RRM2B: variants seen among roughly 807,000 people sequenced by gnomAD.
The protein encoded by RRM2B is ribonucleotide reductase regulatory TP53 inducible subunit M2B.
In RRM2B, 20 loss-of-function variants were observed where a neutral mutation model predicts 45.9. That is an observed-to-expected ratio of 0.44 (90% confidence interval 0.31 to 0.63). The LOEUF is 0.63. Ranked by LOEUF, RRM2B falls within the 30% of genes least tolerant of loss-of-function variation. The probability of loss-of-function intolerance (pLI) is 0.09; values close to 1 mark genes in which losing one functional copy is unlikely to be tolerated. For missense variants in RRM2B, 320 were observed against 414.7 expected (o/e 0.77, Z 1.98); for synonymous variants, 124 against 132.3 (o/e 0.94, Z 0.43).
chr8:102,230,609 G>C (rs990234221), intron 2 of RRM2B, among the ~76,000 whole-genome samples: 1 of 152,100 alleles, frequency 6.6e-6, no homozygotes, highest in Non-Finnish European at 1.5e-5. Context: ...GTTTTTGTGT[G>C]GTTTGGTTTT....
intron 1 of RRM2B, among the ~76,000 whole-genome samples, chr8:102,237,425 G>A (rs1811139859): frequency 6.6e-6 from 1 of 152,186 alleles, no homozygotes; most frequent in Admixed American, 6.5e-5. Context: ...GATCTCAAGA[G>A]ATTTTGATTC....
At chr8:102,217,332 TTC>T (rs762398978) in intron 6 of RRM2B, among the ~76,000 whole-genome samples, 3 of 152,126 alleles carry the variant, frequency 2.0e-5, no homozygotes, top group East Asian at 1.9e-4. Flanking sequence ...GTAAATGTAG[TTC>T]TCTCTGTGTT....
intron 6 of RRM2B, 59 bp downstream of exon 6, chr8:102,218,755 A>G: frequency 1.4e-6 from 2 of 1,442,408 alleles, no homozygotes; most frequent in East Asian, 4.5e-5. Context: ...TGGAAAAGAA[A>G]AATAGATGAA....
intron 1 of RRM2B, among the ~76,000 whole-genome samples, chr8:102,232,767 T>C: frequency 6.6e-6 from 1 of 152,250 alleles, no homozygotes; most frequent in South Asian, 2.1e-4. Context: ...GCTACTTTAA[T>C]GTTTTTTCTT....
At chr8:102,227,985 C>T (rs1810962530) in intron 2 of RRM2B, among the ~76,000 whole-genome samples, 2 of 152,264 alleles carry the variant, frequency 1.3e-5, no homozygotes, top group South Asian at 4.2e-4. Context: ...AAATTCTGGG[C>T]AGAAGAAGAT....
intron 6 of RRM2B, chr8:102,214,496 C>T: frequency 3.9e-6 from 1 of 258,934 alleles, no homozygotes; most frequent in South Asian, 4.1e-5. Context: ...TTTTAAATTT[C>T]AAAAATAATT....
chr8:102,233,242 GT>G (rs1310708481), intron 1 of RRM2B, among the ~76,000 whole-genome samples: 1 of 152,174 alleles, frequency 6.6e-6, no homozygotes, highest in Non-Finnish European at 1.5e-5. Flanking sequence ...CAAAGCAACT[GT>G]TATAGCAGAG....
Position 102,224,052 on chromosome 8 carries a change from T to C in RRM2B, c.544A>G (p.Thr182Ala), listed in dbSNP as rs147315735. The change falls in exon 5 of 9, where the codon ACT becomes GCT. Residue 182 changes from threonine (T) to alanine (A), a missense_variant. Around this residue, in one of 3 missense-constraint regions of RRM2B, gnomAD observed 225 missense variants for 289.4 expected, o/e 0.78. Transcript: ENST00000251810. ...ALRWIADRKS[T>A]FGERVVAFAA... The stretch of plus-strand genomic sequence containing the variant: ...ATAAATTAGAGCCACATACCAAAAG[T>C]AGATTTTCTATCTGCTATCCATCGC... The C allele has an allele frequency of 1.7e-5, 27 of 1,609,308 alleles. No homozygotes were observed. The highest frequency in any genetic ancestry group is 8.0e-5 in the African/African-American group (6 of 74,872).
intron 2 of RRM2B, among the ~76,000 whole-genome samples, chr8:102,226,550 G>C (rs1294802261): frequency 6.6e-6 from 1 of 151,960 alleles, no homozygotes; most frequent in Non-Finnish European, 1.5e-5. Context: ...AGGCACTGAA[G>C]TAAATAAACT....
Position 102,208,113 on chromosome 8 carries a change from G to C in RRM2B, c.*20C>G, listed in dbSNP as rs1312879987. 6.2e-7 allele frequency: 1 copy of C among 1,601,762 alleles called. No homozygotes were observed. Reference sequence around the variant, plus strand: ...TATTTACCAATGACAAGTTTATAGAGTTTTAAAACGAGAGGTTTTTTAAAA... The same window carrying C: ...TATTTACCAATGACAAGTTTATAGACTTTTAAAACGAGAGGTTTTTTAAAA... On this transcript the variant is annotated 3_prime_UTR_variant, in exon 9 of 9. Transcript: ENST00000251810.
chr8:102,220,623 A>G (rs1239689771), intron 5 of RRM2B, among the ~76,000 whole-genome samples: 1 of 152,042 alleles, frequency 6.6e-6, no homozygotes, highest in Non-Finnish European at 1.5e-5. Context: ...ATTTCTTTAG[A>G]GCTAAGGTCT....
chr8:102,224,186 C>CT (rs372636442), intron 4 of RRM2B, 46 bp from the exon 5 acceptor site: 105,731 of 981,872 alleles, frequency 0.11, 199 homozygotes, highest in Admixed American at 0.14. Flanking sequence ...ACTTGTTTTT[C>CT]TTTTTTTTTT....
At position 102,207,379 on chromosome 8, in the gene RRM2B, T is replaced by C. The variant is rs913479469; in HGVS notation, c.*754A>G. The C allele has an allele frequency of 2.0e-4, 30 of 152,340 alleles. No homozygotes were observed. Among genetic ancestry groups the C allele is most frequent in the African/African-American group, 6.7e-4 (28 of 41,576 alleles). The allele number at this position is 152,340 out of a possible 1,614,324, so 9.4% of individuals were successfully genotyped here. A position where few individuals can be genotyped will look rare whatever the true frequency, so the allele number is the denominator to read the frequency against. ...TGGCAATAGTTATGTTTTTAATTTC[T>C]GAAGAAGAATCATTTTTCTTATAAG... On this transcript the variant is annotated 3_prime_UTR_variant, in exon 9 of 9. Transcript: ENST00000251810.
chr8:102,209,754 A>T (rs1810604211), intron 8 of RRM2B, among the ~76,000 whole-genome samples: 1 of 152,202 alleles, frequency 6.6e-6, no homozygotes, highest in Non-Finnish European at 1.5e-5. Flanking sequence ...TGGATAAATA[A>T]AATTTGGTAT....
At chr8:102,238,698 G>C in intron 1 of RRM2B, 129 bp downstream of exon 1, 1 of 1,557,510 alleles carries the variant, frequency 6.4e-7, no homozygotes, top group Non-Finnish European at 8.7e-7. Flanking sequence ...AAGCCAGGCT[G>C]CGGCGAGGGC....
chr8:102,238,803 G>A (rs1811177672), intron 1 of RRM2B, 24 bp downstream of exon 1: 3 of 1,613,794 alleles, frequency 1.9e-6, no homozygotes, highest in South Asian at 1.1e-5. Context: ...GCGGTGAGGG[G>A]GAAGACGCAA....
intron 5 of RRM2B, among the ~76,000 whole-genome samples, chr8:102,220,340 G>A (rs1587175621): frequency 6.6e-6 from 1 of 152,096 alleles, no homozygotes; most frequent in Admixed American, 6.6e-5. Context: ...TTATTGATAC[G>A]TTTTTAATTG....
chr8:102,218,311 G>A (rs911281608), intron 6 of RRM2B, among the ~76,000 whole-genome samples: 2 of 152,172 alleles, frequency 1.3e-5, no homozygotes, highest in Admixed American at 6.5e-5. Context: ...GGAGACCGAG[G>A]AGAAATGGTA....
At chr8:102,235,497 A>G (rs535555192) in intron 1 of RRM2B, among the ~76,000 whole-genome samples, 35 of 152,358 alleles carry the variant, frequency 2.3e-4, no homozygotes, top group Non-Finnish European at 4.7e-4. Flanking sequence ...CGACAACAAC[A>G]AAGTTACAAA....
Sources: allele counts gnomAD v4.1 joint callset (sites outside exome capture counted in the v4.1 genomes callset), GRCh38; gene constraint gnomAD v4.1.1; regional missense constraint gnomAD v4.1.1; transcripts MANE v1.5; gene names NCBI Gene and HGNC (gene_info 2026-07-23, HGNC 2026-07-21).